Variants in DOCK6 observed in about 807,000 individuals in gnomAD.
DOCK6 encodes dedicator of cytokinesis 6.
DOCK6 carries 167 observed loss-of-function variants against 230.3 expected under a neutral mutation model. The observed-to-expected ratio is 0.73, with a 90% CI of 0.64 to 0.82. DOCK6 has a LOEUF of 0.82. Among genes scored for constraint, DOCK6 ranks in the 40% least tolerant of loss-of-function variants. DOCK6 has a pLI of 0.00. For missense variants in DOCK6, 2,598 were observed against 2,825.8 expected, an observed-to-expected ratio of 0.92 and a Z score of 1.83; for synonymous variants, 1,148 against 1,185.0, an observed-to-expected ratio of 0.97 and a Z score of 0.64.
chr19:11,225,658 C>T (rs776434542), intron 24 of DOCK6, among the ~76,000 whole-genome samples: 1 of 151,970 alleles, frequency 6.6e-6, no homozygotes, highest in African/African-American at 2.4e-5. Flanking sequence ...CACCACCACA[C>T]TCTAGTCTGG....
chr19:11,235,689 T>C lies in DOCK6; in HGVS notation c.2463A>G (p.Ala821=). 1 of 1,602,198 alleles carries C rather than the reference T, an allele frequency of 6.2e-7. No homozygotes were observed. The highest frequency in any genetic ancestry group is 8.5e-7 in the Non-Finnish European group (1 of 1,174,372). The change falls in exon 21 of 48, where the codon GCA becomes GCG. Residue 821 remains alanine (A), a synonymous_variant. Coordinates refer to ENST00000294618, the MANE Select transcript of DOCK6 (RefSeq NM_020812.4). ...VVSLVHRSLE[A]AQDARGHCPQ... ...GGCAGTGACCGCGGGCATCCTGGGC[T>C]GCCTCCAGGCTCCGGTGAACAAGGC...
At chr19:11,214,238 GTTT>G in intron 34 of DOCK6, 34 bp downstream of exon 34, 2 of 1,565,516 alleles carry the variant, frequency 1.3e-6, no homozygotes, top group Non-Finnish European at 1.7e-6. Context: ...AGCTGCTACT[GTTT>G]TTCTAAGAAT....
At chr19:11,255,755 T>G (rs1195345865) in intron 1 of DOCK6, among the ~76,000 whole-genome samples, 2 of 152,112 alleles carry the variant, frequency 1.3e-5, no homozygotes, top group Non-Finnish European at 2.9e-5. Context: ...CTTACTCCCT[T>G]CTGCTTCCCA....
chr19:11,218,202 A>G (rs1430831889), intron 28 of DOCK6, among the ~76,000 whole-genome samples: 1 of 152,046 alleles, frequency 6.6e-6, no homozygotes, highest in Non-Finnish European at 1.5e-5. Flanking sequence ...GCTGGAGTAC[A>G]GTGGCGCCAT....
At chr19:11,250,018 T>G (rs982293854) in intron 6 of DOCK6, among the ~76,000 whole-genome samples, 1 of 149,146 alleles carries the variant, frequency 6.7e-6, no homozygotes, top group African/African-American at 2.4e-5. Flanking sequence ...GAAGCTATCT[T>G]TTTTTTTTTT....
chr19:11,214,396 G>T lies in DOCK6; in HGVS notation c.4217C>A (p.Ser1406Ter). 1 of 1,613,830 alleles carries T rather than the reference G, an allele frequency of 6.2e-7. No homozygotes were observed. The highest frequency in any genetic ancestry group is 8.5e-7 in the Non-Finnish European group (1 of 1,179,888). Reference sequence around the variant, plus strand: ...CCCCAAGACGCTCTCCCGGGCTTCTGAAAGCATCACCGTCTGGAGGGAAGG... The same window carrying T: ...CCCCAAGACGCTCTCCCGGGCTTCTTAAAGCATCACCGTCTGGAGGGAAGG... ...LEIIVQTVMLSEARESVLGAV... is the reference protein window; with the variant it reads ...LEIIVQTVML The change falls in exon 34 of 48, where the codon TCA (serine) becomes TAA (stop). Residue 1406 changes from serine (S) to a stop codon, truncating the protein, a stop_gained. Transcript: ENST00000294618. LOFTEE classifies it high-confidence loss of function.
intron 28 of DOCK6, chr19:11,221,647 T>G (rs748704130): frequency 6.5e-5 from 42 of 647,718 alleles, no homozygotes; most frequent in South Asian, 1.2e-4. Flanking sequence ...GTAGTTGGTG[T>G]TGTTACTGTC....
At chr19:11,219,038 C>G (rs2079539700) in intron 28 of DOCK6, among the ~76,000 whole-genome samples, 1 of 150,702 alleles carries the variant, frequency 6.6e-6, no homozygotes, top group South Asian at 2.1e-4. Flanking sequence ...GCCACCATGC[C>G]TGGCTAATTT....
At chr19:11,250,767 G>A (rs1378780049) in intron 6 of DOCK6, 107 bp downstream of exon 6, 10 of 1,103,112 alleles carry the variant, frequency 9.1e-6, no homozygotes, top group African/African-American at 1.6e-5. Context: ...GATTAATACA[G>A]GTGTATATAG....
chr19:11,250,354 C>T (rs1217339166), intron 6 of DOCK6, among the ~76,000 whole-genome samples: 1 of 151,266 alleles, frequency 6.6e-6, no homozygotes, highest in East Asian at 1.9e-4. Context: ...TGCTCTGCTG[C>T]CCAGGCTGGA....
In DOCK6 at chr19:11,251,189, G is replaced by A. The variant is rs1216772775; in HGVS notation, c.508-103C>T. On this transcript the variant is annotated intron_variant, in intron 5 of 47. Transcript: ENST00000294618. ...CTCATTCTAGAGATGGGGAAATTGAGGGTCAGGGGGTGAGGGTCATCACTC... is the reference window on the plus strand; with the variant it reads ...CTCATTCTAGAGATGGGGAAATTGAAGGTCAGGGGGTGAGGGTCATCACTC... 2.4e-5 allele frequency: 29 copies of A among 1,196,042 alleles called. No individual in the cohort carries two copies. In the East Asian group the frequency reaches 7.2e-4, roughly 30 times the overall value. The allele number at this position is 1,196,042 out of a possible 1,614,324, so 74.1% of individuals were successfully genotyped here. A position where few individuals can be genotyped will look rare whatever the true frequency, so the allele number is the denominator to read the frequency against.
At position 11,243,027 on chromosome 19, in the gene DOCK6, G is replaced by A. The variant is rs774555660; in HGVS notation, c.1480+32C>T. The A allele has an allele frequency of 2.5e-6, 4 of 1,611,588 alleles. No homozygotes were observed. In the Admixed American group the frequency reaches 5.0e-5, roughly 20 times the overall value. On this transcript the variant is annotated intron_variant, in intron 13 of 47. Transcript: ENST00000294618. This position sits in a 1 kb window ranked among gnomAD's most constrained non-coding sequence, Gnocchi z 6.3. The stretch of plus-strand genomic sequence containing the variant: ...GTTTGTTGAGTGGCTGAGTGAGAGT[G>A]ATACTTCTTGTGTATGGGGTGTGCC...
rs557096812 is a variant in DOCK6, at chr19:11,200,801, C to A, written c.5854G>T (p.Val1952Leu). The change falls in exon 46 of 48, where the codon GTG (valine) becomes TTG (leucine). Residue 1952 changes from valine to leucine, a missense_variant. Transcript: ENST00000294618. This position sits in a 1 kb window ranked among gnomAD's most constrained non-coding sequence, Gnocchi z 4.3. The part of the protein sequence containing the change: ...VNQGPLEVAQ[V>L]FLAEIPEDPK... Reference sequence around the variant, plus strand: ...TCTTCCGGGATCTCTGCTAAAAACACCTGGGCCACCTCCAGGGGACCCTGT... The same window carrying A: ...TCTTCCGGGATCTCTGCTAAAAACAACTGGGCCACCTCCAGGGGACCCTGT... 2.5e-6 allele frequency: 4 copies of A among 1,612,970 alleles called. No homozygotes were observed. The South Asian group carries it at 4.4e-5, about 18-fold the overall frequency.
At chr19:11,256,173 T>C (rs1303282863) in intron 1 of DOCK6, among the ~76,000 whole-genome samples, 1 of 152,082 alleles carries the variant, frequency 6.6e-6, no homozygotes, top group Non-Finnish European at 1.5e-5. Flanking sequence ...TCAAAGGATG[T>C]GAAAAATTAG....
At chr19:11,237,033 TGA>T (rs1405166269) in intron 18 of DOCK6, 154 bp from the exon 19 acceptor site, 1 of 713,554 alleles carries the variant, frequency 1.4e-6, no homozygotes, top group African/African-American at 1.8e-5. Context: ...CCCAGTAGAC[TGA>T]GAGGGTCCAC....
chr19:11,239,627 G>T, intron 14 of DOCK6: 1 of 1,613,628 alleles, frequency 6.2e-7, no homozygotes, highest in South Asian at 1.1e-5. Flanking sequence ...CTATACCTTA[G>T]ACCCTCAGTC....
At chr19:11,247,891 G>A (rs991989353) in intron 7 of DOCK6, 175 bp downstream of exon 7, 14 of 601,848 alleles carry the variant, frequency 2.3e-5, no homozygotes, top group East Asian at 2.0e-4. Flanking sequence ...AAGGATTGGA[G>A]ACTCGGGATA....
rs376680327 is a variant in DOCK6 at position 11,262,256 on chromosome 19, C to G, written c.44+141G>C. On this transcript the variant is annotated intron_variant, in intron 1 of 47. Transcript: ENST00000294618. ...TCCCCGCCTTCTCCCGCTCCCAGCC[C>G]CGGCCGGAGGAAGCTGGCGGGACCC... 2.7e-5 allele frequency: 14 copies of G among 518,512 alleles called. No homozygotes were observed. The South Asian group carries it at 7.8e-4, about 29-fold the overall frequency. The allele number at this position is 518,512 out of a possible 1,614,324, so 32.1% of individuals were successfully genotyped here.
At chr19:11,221,553 A>G (rs1013555979) in intron 28 of DOCK6, 3 of 353,746 alleles carry the variant, frequency 8.5e-6, no homozygotes, top group Non-Finnish European at 1.0e-5. Context: ...AAAATAATAA[A>G]TGGTACAATA....
Sources: gnomAD v4.1 joint callset for allele counts (sites outside exome capture counted in the v4.1 genomes callset) on GRCh38, gnomAD v4.1.1 for gene constraint, Gnocchi (gnomAD v3.1) non-coding constraint, MANE v1.5 for transcripts, NCBI Gene and HGNC (gene_info 2026-07-23, HGNC 2026-07-21) for gene names.